Variants in C7orf57 observed in about 807,000 individuals in gnomAD.
C7orf57 encodes the protein uncharacterized protein C7orf57.
C7orf57 carries 33 observed loss-of-function variants against 39.0 expected under a neutral mutation model. That is an observed-to-expected ratio of 0.85 (90% CI 0.64 to 1.13). The LOEUF is 1.13. Among genes scored for constraint, C7orf57 ranks in the 50% most tolerant of loss-of-function variants. C7orf57 has a pLI of 0.00. For synonymous variants in C7orf57, 124 were observed against 137.1 expected, an observed-to-expected ratio of 0.90 and a Z score of 0.67; for missense variants, 346 against 362.3, an observed-to-expected ratio of 0.95 and a Z score of 0.37.
At chr7:48,046,401 A>G in intron 4 of C7orf57, 59 bp from the exon 5 acceptor site, 1 of 1,522,068 alleles carries the variant, frequency 6.6e-7, no homozygotes, top group South Asian at 1.2e-5. Flanking sequence ...AGATGGAAGG[A>G]AGGGAGGGAG....
chr7:48,056,098 T>A (rs1248253707), intron 8 of C7orf57, among the ~76,000 whole-genome samples: 2 of 152,196 alleles, frequency 1.3e-5, no homozygotes, highest in Non-Finnish European at 2.9e-5. Context: ...ATGTAAGGGA[T>A]CCCTTTTCTC....
intron 7 of C7orf57, among the ~76,000 whole-genome samples, chr7:48,053,414 A>C: frequency 6.6e-6 from 1 of 152,120 alleles, no homozygotes; most frequent in Middle Eastern, 3.4e-3. Flanking sequence ...TAGATGTTCA[A>C]AGTACTATAT....
intron 6 of C7orf57, among the ~76,000 whole-genome samples, chr7:48,051,841 T>TCTCTTC (rs1376060223): frequency 2.2e-4 from 17 of 77,188 alleles, no homozygotes; most frequent in Admixed American, 3.7e-4. Flanking sequence ...CTTTCTTTCT[T>TCTCTTC]TCTTTCTTTC....
intron 2 of C7orf57, among the ~76,000 whole-genome samples, chr7:48,037,397 G>A (rs1790407384): frequency 6.6e-6 from 1 of 152,178 alleles, no homozygotes; most frequent in Non-Finnish European, 1.5e-5. Flanking sequence ...ATAGAGTTTG[G>A]AGTAATTTGC....
intron 8 of C7orf57, among the ~76,000 whole-genome samples, chr7:48,059,992 T>C (rs1221403435): frequency 1.3e-5 from 2 of 152,208 alleles, no homozygotes; most frequent in African/African-American, 2.4e-5. Flanking sequence ...AACTCATGAA[T>C]TGAACTGTTT....
Position 48,060,501 on chromosome 7 carries a change from C to A in C7orf57, c.*229C>A. On this transcript the variant is annotated 3_prime_UTR_variant, in exon 9 of 9. Coordinates refer to ENST00000348904, the MANE Select transcript of C7orf57 (RefSeq NM_001100159.3). Reference sequence around the variant, plus strand: ...ACTTGGCTAACAAACACAACTAAGGCCTCTGGTACCCTCTGCCCTGCTGGC... The same window carrying A: ...ACTTGGCTAACAAACACAACTAAGGACTCTGGTACCCTCTGCCCTGCTGGC... 1 of 383,282 alleles carries A rather than the reference C, an allele frequency of 2.6e-6. No homozygotes were observed. The highest frequency in any genetic ancestry group is 4.5e-5 in the South Asian group (1 of 22,070). 23.7% of individuals were successfully genotyped at this position (383,282 alleles called of 1,614,324 possible).
At chr7:48,046,020 G>A (rs531430552) in intron 4 of C7orf57, among the ~76,000 whole-genome samples, 38 of 152,218 alleles carry the variant, frequency 2.5e-4, no homozygotes, top group African/African-American at 6.0e-4. Context: ...TATAAGGTAC[G>A]TTTTATAAAT....
intron 8 of C7orf57, among the ~76,000 whole-genome samples, chr7:48,055,916 G>A (rs1791103328): frequency 6.6e-6 from 1 of 152,116 alleles, no homozygotes; most frequent in Non-Finnish European, 1.5e-5. Context: ...GAATAATGCT[G>A]CAGAAAATTT....
chr7:48,041,565 T>C (rs1218986703), intron 3 of C7orf57, 46 bp downstream of exon 3: 1 of 1,446,904 alleles, frequency 6.9e-7, no homozygotes, highest in South Asian at 1.4e-5. Context: ...TCGCGGGCGG[T>C]GAGGGGGGCG....
Position 48,044,136 on chromosome 7 carries a change from G to A in C7orf57, c.350+547G>A, listed in dbSNP as rs190940977. Among the ~76,000 whole-genome samples the A allele has an allele frequency of 3.1e-3, 468 of 152,274 alleles. 3 individuals carry two copies. Among genetic ancestry groups the A allele is most frequent in the East Asian group, 2.1e-3 (11 of 5,180 alleles). ...AGGAACAATGGCGAGCCTCTAGCCC[G>A]ATGGGGAGCGTCAGTGGGTGCCTCC... On this transcript the variant is annotated intron_variant, in intron 4 of 8. Transcript: ENST00000348904.
At chr7:48,058,673 C>T (rs1791198877) in intron 8 of C7orf57, among the ~76,000 whole-genome samples, 1 of 151,766 alleles carries the variant, frequency 6.6e-6, no homozygotes, top group Admixed American at 6.6e-5. Flanking sequence ...TCTATCTTTT[C>T]TTCTGCTAAC....
intron 6 of C7orf57, 126 bp from the exon 7 acceptor site, chr7:48,052,554 AAGAGAGAGGGAAAGACAGAG>A (rs1275026003): frequency 1.5e-6 from 1 of 663,950 alleles, no homozygotes; most frequent in East Asian, 2.7e-5. Context: ...TAGAGGGAGA[AAGAGAGAGGGAAAGACAGAG>A]AGAGAGAGGT....
chr7:48,052,742 C>T lies in C7orf57; in HGVS notation c.648C>T (p.Leu216=). The T allele has an allele frequency of 1.9e-6, 3 of 1,613,980 alleles. No individual in the cohort carries two copies. The highest frequency in any genetic ancestry group is 2.5e-6 in the Non-Finnish European group (3 of 1,179,886). The change falls in exon 7 of 9, where the codon CTC becomes CTT. Residue 216 remains leucine, a synonymous_variant. Transcript: ENST00000348904. The stretch of plus-strand genomic sequence containing the variant: ...GTTCACCTACCAATTTTTCCAAACT[C>T]ATTAGCAATGGTTATAAGGATGAGT... The part of the protein sequence containing the change: ...KNSSPTNFSK[L]ISNGYKDEWL...
intron 7 of C7orf57, 59 bp from the exon 8 acceptor site, chr7:48,054,536 T>A: frequency 7.1e-7 from 1 of 1,406,630 alleles, no homozygotes; most frequent in East Asian, 2.5e-5. Flanking sequence ...TAATTATGAC[T>A]TCTTTTAATA....
Position 48,036,229 on chromosome 7 carries a change from C to A in C7orf57, c.-80C>A. On this transcript the variant is annotated 5_prime_UTR_variant, in exon 2 of 9. Transcript: ENST00000348904. ...GCAGCTGCAGCTCCTGGCAACTGGT[C>A]AAGCAGGCAGCGTCCAGCGCACCCG... The A allele has an allele frequency of 6.8e-7, 1 of 1,475,068 alleles. No individual in the cohort carries two copies. The highest frequency in any genetic ancestry group is 9.3e-7 in the Non-Finnish European group (1 of 1,077,614). The allele number at this position is 1,475,068 out of a possible 1,614,324, so 91.4% of individuals were successfully genotyped here. A position where few individuals can be genotyped will look rare whatever the true frequency, so the allele number is the denominator to read the frequency against.
Position 48,060,317 on chromosome 7 carries a change from T to C in C7orf57, c.*45T>C. 8.0e-7 allele frequency: 1 copy of C among 1,254,374 alleles called. No homozygotes were observed. The highest frequency in any genetic ancestry group is 1.1e-6 in the Non-Finnish European group (1 of 892,196). The allele number at this position is 1,254,374 out of a possible 1,614,324, so 77.7% of individuals were successfully genotyped here. ...TTAGGATAATTTTTAAATGGCTAAA[T>C]ATGACATGACTGTATTATAGCTATA... On this transcript the variant is annotated 3_prime_UTR_variant, in exon 9 of 9. Coordinates refer to ENST00000348904, the MANE Select transcript of C7orf57 (RefSeq NM_001100159.3).
At chr7:48,055,007 A>G (rs199861175) in intron 8 of C7orf57, among the ~76,000 whole-genome samples, 2 of 151,972 alleles carry the variant, frequency 1.3e-5, no homozygotes, top group African/African-American at 4.8e-5. Context: ...CTCCCGAGTA[A>G]CTGGGACTAC....
At chr7:48,057,025 C>T (rs1313699370) in intron 8 of C7orf57, among the ~76,000 whole-genome samples, 1 of 148,852 alleles carries the variant, frequency 6.7e-6, no homozygotes, top group Non-Finnish European at 1.5e-5. Flanking sequence ...CTTACTCTAG[C>T]TTTGTAATAT....
chr7:48,049,920 C>A lies in C7orf57; in HGVS notation c.548C>A (p.Ala183Glu), dbSNP rs1191853906. 8 of 1,613,772 alleles carry A rather than the reference C, an allele frequency of 5.0e-6. No homozygotes were observed. The highest frequency in any genetic ancestry group is 6.8e-6 in the Non-Finnish European group (8 of 1,179,762). The change falls in exon 6 of 9, where the codon GCA becomes GAA. Residue 183 changes from alanine (A) to glutamate (E), a missense_variant. By Grantham distance (107) the Ala-to-Glu change is moderately radical (BLOSUM62 -1). Coordinates refer to ENST00000348904, the MANE Select transcript of C7orf57 (RefSeq NM_001100159.3). ...ATTGACTCAAAGTATCTGAGCAAAG[C>A]AGGCACCCCACTTGGCCCTAAGAAT... ...PAIDSKYLSK[A>E]GTPLGPKNPA...
Sources: allele counts gnomAD v4.1 joint callset (sites outside exome capture counted in the v4.1 genomes callset), GRCh38; gene constraint gnomAD v4.1.1; transcripts MANE v1.5; gene names NCBI Gene and HGNC (gene_info 2026-07-23, HGNC 2026-07-21).